ZKSCAN5: variants seen among roughly 807,000 people sequenced by gnomAD.
The protein encoded by ZKSCAN5 is zinc finger protein with KRAB and SCAN domains 5.
ZKSCAN5 carries 28 observed loss-of-function variants against 60.0 expected under a neutral mutation model. The ratio of observed to expected loss-of-function variants is 0.47; its 90% CI spans 0.35 to 0.64. The LOEUF (loss-of-function observed/expected upper bound fraction) is 0.64, where lower values mean the gene tolerates loss of function less well. Ranked by LOEUF, ZKSCAN5 falls within the 30% of genes least tolerant of loss-of-function variation. ZKSCAN5 has a pLI of 0.01. For synonymous variants in ZKSCAN5, 361 were observed against 371.2 expected (o/e 0.97, Z 0.31); for missense variants, 881 against 1,034.6 (o/e 0.85, Z 2.04).
chr7:99,522,879 A>G (rs1461850971), intron 5 of ZKSCAN5, among the ~76,000 whole-genome samples: 1 of 230 alleles, frequency 4.3e-3, no homozygotes, highest in Non-Finnish European at 9.3e-3. Flanking sequence ...GGAGGAGCAG[A>G]CAGGCTGGGC....
rs187673688 is a variant in ZKSCAN5 at position 99,529,193 on chromosome 7, T to G, written c.1379-1915T>G. On this transcript the variant is annotated intron_variant, in intron 6 of 6. Coordinates refer to ENST00000326775, the MANE Select transcript of ZKSCAN5 (RefSeq NM_145102.4). ...TCTCACTCTGTCACCCAGGCTGGAG[T>G]GCAGTGATGTGATCTCAACTCACTG... Among the ~76,000 whole-genome samples the G allele has an allele frequency of 3.6e-3, 544 of 152,314 alleles. 2 individuals carry two copies. The highest frequency in any genetic ancestry group is 6.7e-3 in the Non-Finnish European group (453 of 68,020).
In ZKSCAN5 at chr7:99,526,075, G is replaced by A. The variant is rs769213080; in HGVS notation, c.1035G>A (p.Gly345=). 1 of 1,614,128 alleles carries A rather than the reference G, an allele frequency of 6.2e-7. No individual in the cohort carries two copies. Among genetic ancestry groups the A allele is most frequent in the South Asian group, 1.1e-5 (1 of 91,080 alleles). The change falls in exon 6 of 7, where the codon GGG becomes GGA. Residue 345 remains glycine, a synonymous_variant. Coordinates refer to ENST00000326775, the MANE Select transcript of ZKSCAN5 (RefSeq NM_145102.4). ...AGCAAAGCACACATGGCGAGAGAGG[G>A]CACAGATGCAGCGATTGTGGCAAAT... ...SPKQSTHGER[G]HRCSDCGKFF... is the part of the protein sequence containing the mutation.
In ZKSCAN5 at chr7:99,523,606, A is replaced by AAATCAATCAATC. The variant is rs58654797; in HGVS notation, c.773-2187_773-2176dup. Among the ~76,000 whole-genome samples the AAATCAATCAATC allele has an allele frequency of 2.6e-3, 370 of 143,136 alleles. 1 individual carries two copies. The highest frequency in any genetic ancestry group is 7.8e-3 in the African/African-American group (316 of 40,760). 93.9% of individuals were successfully genotyped at this position (143,136 alleles called of 152,430 possible). ...GGGTGACAGAGCAAGACCCAGTCTC[A>AAATCAATCAATC]AATCAATCAATCAATCAATCAATCA... On this transcript the variant is annotated intron_variant, in intron 5 of 6. Transcript: ENST00000326775.
chr7:99,529,473 C>T (rs761290467), intron 6 of ZKSCAN5, among the ~76,000 whole-genome samples: 6 of 152,150 alleles, frequency 3.9e-5, no homozygotes, highest in Non-Finnish European at 8.8e-5. Context: ...CATTGCTCAA[C>T]GGGCACTTAG....
chr7:99,513,818 AG>A, intron 3 of ZKSCAN5: 1 of 243,482 alleles, frequency 4.1e-6, no homozygotes, highest in Non-Finnish European at 8.8e-6. Context: ...ACCTGAGGTC[AG>A]GAGTTCAAGA....
At chr7:99,521,670 G>A (rs1216690246) in intron 5 of ZKSCAN5, among the ~76,000 whole-genome samples, 1 of 150,108 alleles carries the variant, frequency 6.7e-6, no homozygotes, top group African/African-American at 2.5e-5. Flanking sequence ...TGATTTATTT[G>A]TGCATGCCTC....
chr7:99,510,767 G>A (rs184448811), intron 2 of ZKSCAN5, among the ~76,000 whole-genome samples: 8 of 151,878 alleles, frequency 5.3e-5, no homozygotes, highest in African/African-American at 1.7e-4. Context: ...TTTTGAGACA[G>A]AATCTTGCTC....
chr7:99,506,269 C>T lies in ZKSCAN5; in HGVS notation c.225C>T (p.Cys75=), dbSNP rs1387963065. The change falls in exon 2 of 7, where the codon TGC becomes TGT. Residue 75 remains cysteine (C), a synonymous_variant. Transcript: ENST00000326775. ...REALSQLRVL[C]CEWLRPELHT... ...CTCTCAGCCAACTCCGGGTGCTCTG[C>T]TGTGAGTGGCTGAGGCCCGAGCTGC... is the stretch of plus-strand genomic sequence containing the variant. 2 of 1,614,240 alleles carry T rather than the reference C, an allele frequency of 1.2e-6. No homozygotes were observed. Among genetic ancestry groups the T allele is most frequent in the Admixed American group, 1.7e-5 (1 of 60,028 alleles).
rs764616670 is a variant in ZKSCAN5 at position 99,506,230 on chromosome 7, A to G, written c.186A>G (p.Ser62=). 1 of 1,614,214 alleles carries G rather than the reference A, an allele frequency of 6.2e-7. No individual in the cohort carries two copies. The highest frequency in any genetic ancestry group is 1.1e-5 in the South Asian group (1 of 91,090). ...RFRHFQYHEA[S]GPREALSQLR... The stretch of plus-strand genomic sequence containing the variant: ...GGCACTTCCAGTACCATGAGGCTTC[A>G]GGACCCCGGGAGGCTCTCAGCCAAC... Residue 62 remains serine (S), a synonymous_variant, in exon 2 of 7, where the codon TCA becomes TCG. Transcript: ENST00000326775.
intron 6 of ZKSCAN5, 104 bp downstream of exon 6, chr7:99,526,522 G>A (rs1728580474): frequency 2.0e-6 from 3 of 1,479,908 alleles, no homozygotes; most frequent in Non-Finnish European, 2.7e-6. Flanking sequence ...TACTGGGGGG[G>A]GTAGGAAGAG....
chr7:99,524,144 C>T (rs558186365), intron 5 of ZKSCAN5, among the ~76,000 whole-genome samples: 2 of 150,222 alleles, frequency 1.3e-5, no homozygotes, highest in East Asian at 4.0e-4. Flanking sequence ...GATCTCAACT[C>T]ACTGCAACCT....
At position 99,506,221 on chromosome 7, in the gene ZKSCAN5, T is replaced by G; in HGVS notation, c.177T>G (p.His59Gln). ...FYQRFRHFQY[H>Q]EASGPREALS... ...AGCGCTTCAGGCACTTCCAGTACCA[T>G]GAGGCTTCAGGACCCCGGGAGGCTC... Residue 59 changes from histidine to glutamine, a missense_variant, in exon 2 of 7, where the codon CAT becomes CAG. Around this residue, in one of 5 missense-constraint regions of ZKSCAN5, gnomAD observed 53 missense variants for 88.7 expected, o/e 0.60. Transcript: ENST00000326775. 2 of 1,614,154 alleles carry G rather than the reference T, an allele frequency of 1.2e-6. No homozygotes were observed. Among genetic ancestry groups the G allele is most frequent in the South Asian group, 2.2e-5 (2 of 91,084 alleles).
chr7:99,528,705 G>A (rs148111696), intron 6 of ZKSCAN5, among the ~76,000 whole-genome samples: 2 of 152,274 alleles, frequency 1.3e-5, no homozygotes, highest in African/African-American at 4.8e-5. Context: ...AGGAGTTACA[G>A]GTGTGAGCCA....
Position 99,531,943 on chromosome 7 carries a change from T to G in ZKSCAN5, c.2214T>G (p.Thr738=). Residue 738 remains threonine, a synonymous_variant, in exon 7 of 7, where the codon ACT becomes ACG. Transcript: ENST00000326775. ...CAGACCTCATTCAGCATTACAGAAC[T>G]CATACAGCAGAGAAGCCCTATCAAT... The part of the protein sequence containing the change: ...YSSDLIQHYR[T]HTAEKPYQCD... 1 of 1,614,130 alleles carries G rather than the reference T, an allele frequency of 6.2e-7. No homozygotes were observed. The highest frequency in any genetic ancestry group is 1.6e-4 in the Middle Eastern group (1 of 6,062).
intron 3 of ZKSCAN5, among the ~76,000 whole-genome samples, chr7:99,515,417 A>C (rs1037759855): frequency 6.6e-6 from 1 of 151,932 alleles, no homozygotes; most frequent in Non-Finnish European, 1.5e-5. Flanking sequence ...AAAAAAAAAA[A>C]CAAAAACTGC....
In ZKSCAN5 at chr7:99,533,556, C is replaced by G. The variant is rs910107711; in HGVS notation, c.*1307C>G. 12 of 410,914 alleles carry G rather than the reference C, an allele frequency of 2.9e-5. No individual in the cohort carries two copies. Among genetic ancestry groups the G allele is most frequent in the Admixed American group, 8.3e-5 (2 of 24,146 alleles). 25.5% of individuals were successfully genotyped at this position (410,914 alleles called of 1,614,324 possible). A position where few individuals can be genotyped will look rare whatever the true frequency, so the allele number is the denominator to read the frequency against. On this transcript the variant is annotated 3_prime_UTR_variant, in exon 7 of 7. Transcript: ENST00000326775. ...GTTTGGGCTGCAAGTGCTCACAGCT[C>G]TTGTTCTCCAGAAACTGGAGAATTG...
At chr7:99,514,998 G>A (rs771986982) in intron 3 of ZKSCAN5, among the ~76,000 whole-genome samples, 4 of 151,822 alleles carry the variant, frequency 2.6e-5, no homozygotes, top group Non-Finnish European at 5.9e-5. Context: ...GAGATTGCTC[G>A]AGCCCAGGAA....
Position 99,531,521 on chromosome 7 carries a change from G to A in ZKSCAN5, c.1792G>A (p.Val598Ile), listed in dbSNP as rs4729542. 66 of 1,614,050 alleles carry A rather than the reference G, an allele frequency of 4.1e-5. No individual in the cohort carries two copies. The highest frequency in any genetic ancestry group is 5.3e-5 in the Non-Finnish European group (63 of 1,180,046). The change falls in exon 7 of 7, where the codon GTC becomes ATC. Residue 598 changes from valine (V) to isoleucine (I), a missense_variant. Transcript: ENST00000326775. The part of the protein sequence containing the change: ...QRVHLTQHQR[V>I]HTGEKPYTCP... ...CGTGCACCTAACTCAGCATCAGCGC[G>A]TCCACACAGGTGAGAAGCCCTACAC...
intron 5 of ZKSCAN5, among the ~76,000 whole-genome samples, chr7:99,523,492 A>G (rs1352717539): frequency 6.6e-6 from 1 of 152,134 alleles, no homozygotes; most frequent in East Asian, 1.9e-4. Context: ...GTGGTGGTGC[A>G]TGCCTGTAGA....
Sources: gnomAD v4.1 joint callset for allele counts (sites outside exome capture counted in the v4.1 genomes callset) on GRCh38, gnomAD v4.1.1 for gene constraint, gnomAD v4.1.1 regional missense constraint, MANE v1.5 for transcripts, NCBI Gene and HGNC (gene_info 2026-07-23, HGNC 2026-07-21) for gene names.